The following DLGAP2 variants were observed in gnomAD, a reference collection of about 807,000 sequenced individuals.
The protein encoded by DLGAP2 is DLG associated protein 2.
DLGAP2 carries 26 observed loss-of-function variants against 100.3 expected under a neutral mutation model. The observed-to-expected ratio is 0.26, with a 90% CI of 0.19 to 0.36. The LOEUF is 0.36. DLGAP2 is among the 10% of genes least tolerant of loss of function. DLGAP2 has a pLI of 1.00. For missense variants in DLGAP2, 1,858 were observed against 1,453.2 expected, an observed-to-expected ratio of 1.28 and a Z score of -4.53; for synonymous variants, 886 against 630.1, an observed-to-expected ratio of 1.41 and a Z score of -6.08.
chr8:1,058,575 G>A (rs1162050067), intron 2 of DLGAP2, among the ~76,000 whole-genome samples: 1 of 152,196 alleles, frequency 6.6e-6, no homozygotes, highest in Non-Finnish European at 1.5e-5. Flanking sequence ...GCAAAGAGGA[G>A]ATCAACTTGG....
chr8:1,024,428 C>T (rs11137123), intron 2 of DLGAP2, among the ~76,000 whole-genome samples: 1,461 of 64,624 alleles, frequency 0.023, 16 homozygotes, highest in Admixed American at 0.033. Context: ...AGGCAGACAC[C>T]CCAGCCGCCA....
chr8:1,333,805 A>G (rs1219690052), intron 3 of DLGAP2, among the ~76,000 whole-genome samples: 2 of 152,254 alleles, frequency 1.3e-5, no homozygotes, highest in East Asian at 3.9e-4. Flanking sequence ...AGGGTGGTCC[A>G]TCTCCACCCG....
intron 3 of DLGAP2, among the ~76,000 whole-genome samples, chr8:1,303,605 G>A (rs961599290): frequency 6.6e-6 from 1 of 152,084 alleles, no homozygotes; most frequent in African/African-American, 2.4e-5. Flanking sequence ...TCTTAACGGA[G>A]AATCAGTAGA....
At chr8:1,244,472 A>G (rs1798864180) in intron 2 of DLGAP2, among the ~76,000 whole-genome samples, 1 of 152,240 alleles carries the variant, frequency 6.6e-6, no homozygotes, top group Non-Finnish European at 1.5e-5. Flanking sequence ...AAACATAGGA[A>G]GGGGCAATTA....
intron 2 of DLGAP2, among the ~76,000 whole-genome samples, chr8:1,177,336 A>G (rs1282858712): frequency 1.3e-5 from 2 of 152,058 alleles, no homozygotes; most frequent in East Asian, 1.9e-4. Flanking sequence ...GCATTATATC[A>G]TAAGCCTGGC....
chr8:1,644,509 G>T (rs116867839), intron 8 of DLGAP2, among the ~76,000 whole-genome samples: 5,489 of 152,296 alleles, frequency 0.036, 144 homozygotes, highest in South Asian at 0.072. Context: ...TGTGCTTTAA[G>T]CCCCAGCTCA....
At position 1,662,404 on chromosome 8, in the gene DLGAP2, T is replaced by A. The variant is rs777328833; in HGVS notation, c.1811-5925T>A. Among the ~76,000 whole-genome samples the A allele has an allele frequency of 4.9e-4, 75 of 152,342 alleles. 1 individual carries two copies. Among genetic ancestry groups the A allele is most frequent in the Middle Eastern group, 6.8e-3 (2 of 294 alleles). ...AGGAAACCTGGAACCGCCATAAATC[T>A]TGCTGAAATAAGTGCCTCTTTCATT... On this transcript the variant is annotated intron_variant, in intron 8 of 14. Coordinates refer to ENST00000637795, the MANE Select transcript of DLGAP2 (RefSeq NM_001346810.2).
chr8:941,638 T>G (rs1799198269), intron 2 of DLGAP2, among the ~76,000 whole-genome samples: 1 of 152,176 alleles, frequency 6.6e-6, no homozygotes, highest in Admixed American at 6.5e-5. Context: ...AGTGTGCATT[T>G]CAATCTGCCA....
At chr8:847,340 G>A (rs775421776) in intron 1 of DLGAP2, among the ~76,000 whole-genome samples, 17 of 151,762 alleles carry the variant, frequency 1.1e-4, no homozygotes, top group African/African-American at 1.9e-4. Context: ...CATTGATACC[G>A]GCTATTAGTG....
chr8:1,621,529 C>T (rs1055620826), intron 6 of DLGAP2: 5 of 152,482 alleles, frequency 3.3e-5, no homozygotes, highest in East Asian at 1.9e-4. Flanking sequence ...CTCAGCTGGC[C>T]GTGGGTCAGC....
intron 3 of DLGAP2, among the ~76,000 whole-genome samples, chr8:1,284,587 A>G (rs1018277796): frequency 6.6e-6 from 1 of 152,064 alleles, no homozygotes; most frequent in African/African-American, 2.4e-5. Context: ...TCTGTCCATC[A>G]CAACACATTT....
chr8:898,107 G>C (rs181594046), intron 1 of DLGAP2, among the ~76,000 whole-genome samples: 1 of 152,316 alleles, frequency 6.6e-6, no homozygotes, highest in Non-Finnish European at 1.5e-5. Context: ...TCAGGTCTAC[G>C]ATACCCGTAC....
At chr8:1,361,505 G>C (rs181040074) in intron 3 of DLGAP2, among the ~76,000 whole-genome samples, 1 of 152,162 alleles carries the variant, frequency 6.6e-6, no homozygotes, top group African/African-American at 2.4e-5. Flanking sequence ...GTAGGTAGCC[G>C]TCTGGTGCTG....
intron 2 of DLGAP2, among the ~76,000 whole-genome samples, chr8:1,187,380 C>T (rs189555015): frequency 0.011 from 1,568 of 138,058 alleles, 57 homozygotes; most frequent in African/African-American, 0.042. Context: ...CGCCCGGGAC[C>T]TCCGTGACGT....
intron 3 of DLGAP2, among the ~76,000 whole-genome samples, chr8:1,270,050 CG>C (rs1452318837): frequency 7.9e-5 from 12 of 152,124 alleles, no homozygotes; most frequent in Non-Finnish European, 1.2e-4. Flanking sequence ...CATACAGTAG[CG>C]GGTGGTCTTT....
intron 2 of DLGAP2, among the ~76,000 whole-genome samples, chr8:1,226,772 A>C (rs1195047518): frequency 6.6e-6 from 1 of 152,038 alleles, no homozygotes; most frequent in Non-Finnish European, 1.5e-5. Flanking sequence ...ATCCTCAGTA[A>C]ACATCAGTAA....
intron 3 of DLGAP2, among the ~76,000 whole-genome samples, chr8:1,311,357 A>G (rs147774366): frequency 0.011 from 1,655 of 152,356 alleles, 20 homozygotes; most frequent in South Asian, 0.037. Flanking sequence ...ACAGGTAAAG[A>G]TGAATTAACA....
rs570202420 is a variant in DLGAP2, at chr8:910,656, T to C, written c.73+2690T>C. 1.1e-4 allele frequency: 17 copies of C among 152,324 alleles called. No individual in the cohort carries two copies. The South Asian group carries it at 1.5e-3, about 13-fold the overall frequency. The allele number at this position is 152,324 out of a possible 1,614,324, so 9.4% of individuals were successfully genotyped here. ...TGATTGGCCTTTCACAGGCCTTTGG[T>C]TTGCAACCTACCTGGAGTGAGCGTT... On this transcript the variant is annotated intron_variant, in intron 2 of 14. Coordinates refer to ENST00000637795, the MANE Select transcript of DLGAP2 (RefSeq NM_001346810.2).
chr8:857,017 T>C (rs1797291842), intron 1 of DLGAP2, among the ~76,000 whole-genome samples: 3 of 152,178 alleles, frequency 2.0e-5, no homozygotes, highest in South Asian at 4.2e-4. Context: ...GGTAAACAAA[T>C]AGACAAATAG....
Sources: gnomAD v4.1 joint callset for allele counts (sites outside exome capture counted in the v4.1 genomes callset) on GRCh38, gnomAD v4.1.1 for gene constraint, MANE v1.5 for transcripts, NCBI Gene and HGNC (gene_info 2026-07-23, HGNC 2026-07-21) for gene names.